Variants in GPC5 observed in about 807,000 individuals in gnomAD.
The protein encoded by GPC5 is glypican 5, also known as glypican-5.
GPC5 carries 47 observed loss-of-function variants against 53.9 expected under a neutral mutation model. The ratio of observed to expected loss-of-function variants is 0.87; its 90% CI spans 0.69 to 1.11. GPC5 has a LOEUF of 1.11. Among genes scored for constraint, GPC5 ranks in the 50% most tolerant of loss-of-function variants. The pLI is 0.00. For missense variants in GPC5, 748 were observed against 713.1 expected, an observed-to-expected ratio of 1.05 and a Z score of -0.56; for synonymous variants, 286 against 263.3, an observed-to-expected ratio of 1.09 and a Z score of -0.84.
intron 7 of GPC5, among the ~76,000 whole-genome samples, chr13:92,402,653 TTG>T (rs1875612708): frequency 1.3e-5 from 2 of 152,302 alleles, no homozygotes; most frequent in Non-Finnish European, 1.5e-5. Flanking sequence ...CACAATGTTT[TTG>T]TGTGTGTTTG....
At chr13:92,716,109 C>G (rs918361124) in intron 7 of GPC5, among the ~76,000 whole-genome samples, 1 of 152,074 alleles carries the variant, frequency 6.6e-6, no homozygotes, top group Admixed American at 6.6e-5. Context: ...GATCAGTGAA[C>G]GTGGCAAGAG....
intron 2 of GPC5, among the ~76,000 whole-genome samples, chr13:91,532,091 A>T (rs1886374206): frequency 6.6e-6 from 1 of 152,244 alleles, no homozygotes; most frequent in Non-Finnish European, 1.5e-5. Context: ...ATAACTCCTT[A>T]ATGGAAAAAA....
chr13:92,148,374 A>G (rs2041883464), intron 7 of GPC5, among the ~76,000 whole-genome samples: 2 of 152,204 alleles, frequency 1.3e-5, no homozygotes, highest in Middle Eastern at 3.4e-3. Context: ...ATATTTGCGT[A>G]CCTTTTAGGT....
At chr13:92,263,881 G>T (rs2042782863) in intron 7 of GPC5, among the ~76,000 whole-genome samples, 1 of 152,052 alleles carries the variant, frequency 6.6e-6, no homozygotes, top group Non-Finnish European at 1.5e-5. Context: ...TTCATTGGTG[G>T]GAGCAGTATT....
In GPC5 at chr13:92,173,583, G is replaced by T. The variant is rs2042085845; in HGVS notation, c.1561+28594G>T. On this transcript the variant is annotated intron_variant, in intron 7 of 7. Transcript: ENST00000377067. ...TTATTCAAATTTTGCTAATTTTTTAGGAGTTGGTTTAATAAAGTGTTCTTT... is the reference window on the plus strand; with the variant it reads ...TTATTCAAATTTTGCTAATTTTTTATGAGTTGGTTTAATAAAGTGTTCTTT... 2.6e-5 allele frequency among the ~76,000 whole-genome samples: 4 copies of T among 151,964 alleles called. 1 individual carries two copies. Among genetic ancestry groups the T allele is most frequent in the African/African-American group, 7.3e-5 (3 of 41,294 alleles).
chr13:92,222,973 T>C (rs1487796790), intron 7 of GPC5, among the ~76,000 whole-genome samples: 2 of 152,104 alleles, frequency 1.3e-5, no homozygotes, highest in Non-Finnish European at 2.9e-5. Flanking sequence ...TGTTTTAGGT[T>C]TATTGAAAAA....
chr13:91,682,252 A>G (rs1036966292), intron 2 of GPC5, among the ~76,000 whole-genome samples: 1 of 152,228 alleles, frequency 6.6e-6, no homozygotes, highest in Admixed American at 6.5e-5. Context: ...TACCCGTATC[A>G]TGGGTTGGAG....
Position 91,911,862 on chromosome 13 carries a change from A to C in GPC5, c.1401+3805A>C, listed in dbSNP as rs545377706. 2.0e-5 allele frequency among the ~76,000 whole-genome samples: 3 copies of C among 152,276 alleles called. No homozygotes were observed. In the South Asian group the frequency reaches 6.2e-4, roughly 32 times the overall value. ...GGGATGATAGTGTCACTAAGTGTTA[A>C]AAGGAATTCTAAGAGAAGAGTAGGT... On this transcript the variant is annotated intron_variant, in intron 6 of 7. Transcript: ENST00000377067.
In GPC5 at chr13:92,851,848, A is replaced by G. The variant is rs547615186; in HGVS notation, c.1562-14434A>G. Among the ~76,000 whole-genome samples, 24 of 148,014 alleles carry G rather than the reference A, an allele frequency of 1.6e-4. No homozygotes were observed. In the East Asian group the frequency reaches 2.9e-3, roughly 18 times the overall value. On this transcript the variant is annotated intron_variant, in intron 7 of 7. Transcript: ENST00000377067. ...GCTTGCAGTGAGCCAAGATGGCCCC[A>G]GTGCACTCCAGCCTGAGTGACAGAG...
rs559131039 is a variant in GPC5 at position 91,476,378 on chromosome 13, A to G, written c.325+27456A>G. Among the ~76,000 whole-genome samples the G allele has an allele frequency of 1.0e-3, 153 of 152,368 alleles. 1 individual carries two copies. Among genetic ancestry groups the G allele is most frequent in the African/African-American group, 3.5e-3 (144 of 41,592 alleles). ...GAGACTCAGAAAGGCTACTTCACCC[A>G]GTGTTACATTGAAGTAAATAACAAC... On this transcript the variant is annotated intron_variant, in intron 2 of 7. Transcript: ENST00000377067.
intron 5 of GPC5, among the ~76,000 whole-genome samples, chr13:91,807,704 T>A (rs2038243929): frequency 6.6e-6 from 1 of 152,144 alleles, no homozygotes; most frequent in South Asian, 2.1e-4. Flanking sequence ...ATAAAAGCAC[T>A]CTTGACAAAC....
At position 92,718,157 on chromosome 13, in the gene GPC5, C is replaced by T. The variant is rs149676553; in HGVS notation, c.1562-148125C>T. Among the ~76,000 whole-genome samples, 228 of 152,198 alleles carry T rather than the reference C, an allele frequency of 1.5e-3. 4 individuals carry two copies. The highest frequency in any genetic ancestry group is 5.3e-3 in the African/African-American group (219 of 41,534). On this transcript the variant is annotated intron_variant, in intron 7 of 7. Coordinates refer to ENST00000377067, the MANE Select transcript of GPC5 (RefSeq NM_004466.6). Reference sequence around the variant, plus strand: ...AACAGTATGGAAGTTTCTCATAAAACTAAAAATAGAACTATCATATGATCC... The same window carrying T: ...AACAGTATGGAAGTTTCTCATAAAATTAAAAATAGAACTATCATATGATCC...
At chr13:92,680,731 G>C (rs1361946996) in intron 7 of GPC5, among the ~76,000 whole-genome samples, 1 of 152,088 alleles carries the variant, frequency 6.6e-6, no homozygotes, top group Non-Finnish European at 1.5e-5. Flanking sequence ...TTACTCTTCA[G>C]GAAGTAACTA....
At chr13:92,297,907 G>A (rs1482952778) in intron 7 of GPC5, among the ~76,000 whole-genome samples, 2 of 151,996 alleles carry the variant, frequency 1.3e-5, no homozygotes, top group Non-Finnish European at 2.9e-5. Context: ...CTTCACTCCT[G>A]AGCCCAGCGA....
intron 7 of GPC5, among the ~76,000 whole-genome samples, chr13:92,163,373 A>G (rs2042004570): frequency 6.6e-6 from 1 of 151,368 alleles, no homozygotes; most frequent in Non-Finnish European, 1.5e-5. Context: ...ATGCAGGAGA[A>G]TAGCTTGAAC....
At position 92,268,691 on chromosome 13, in the gene GPC5, G is replaced by GCTACAA. The variant is rs576817427; in HGVS notation, c.1561+123702_1561+123703insCTACAA. ...ATGAAGCTACAAAATTATTCTGTAAGAATTTTTTATCTTATACTTACCTCA... is the reference window on the plus strand; with the variant it reads ...ATGAAGCTACAAAATTATTCTGTAAGCTACAAAATTTTTTATCTTATACTTACCTCA... On this transcript the variant is annotated intron_variant, in intron 7 of 7. Transcript: ENST00000377067. Among the ~76,000 whole-genome samples the GCTACAA allele has an allele frequency of 5.2e-3, 782 of 151,288 alleles. 7 individuals are homozygous for GCTACAA. Among genetic ancestry groups the GCTACAA allele is most frequent in the African/African-American group, 0.018 (750 of 41,142 alleles).
At chr13:92,372,060 C>T (rs1032224862) in intron 7 of GPC5, among the ~76,000 whole-genome samples, 1 of 152,088 alleles carries the variant, frequency 6.6e-6, no homozygotes, top group Non-Finnish European at 1.5e-5. Flanking sequence ...CTTCTGCCAA[C>T]AATCTGAATG....
At chr13:92,457,507 T>C (rs938567555) in intron 7 of GPC5, among the ~76,000 whole-genome samples, 4 of 152,096 alleles carry the variant, frequency 2.6e-5, no homozygotes, top group Non-Finnish European at 5.9e-5. Flanking sequence ...AAATCATTGC[T>C]CACATTATCA....
rs1566515126 is a variant in GPC5, at chr13:91,571,776, C to CACACATATACGTGTGTATGTGTATATAT, written c.326-121406_326-121405insTATACGTGTGTATGTGTATATATACACA. The stretch of plus-strand genomic sequence containing the variant: ...ACATATACATGTGTATGTGTATATA[C>CACACATATACGTGTGTATGTGTATATAT]ACACACATATACGTGTGTGTATATA... On this transcript the variant is annotated intron_variant, in intron 2 of 7. Coordinates refer to ENST00000377067, the MANE Select transcript of GPC5 (RefSeq NM_004466.6). Among the ~76,000 whole-genome samples, 24 of 82,130 alleles carry CACACATATACGTGTGTATGTGTATATAT rather than the reference C, an allele frequency of 2.9e-4. 1 individual carries two copies. The highest frequency in any genetic ancestry group is 1.9e-3 in the African/African-American group (22 of 11,630). The allele number at this position is 82,130 out of a possible 152,430, so 53.9% of individuals were successfully genotyped here. A position where few individuals can be genotyped will look rare whatever the true frequency, so the allele number is the denominator to read the frequency against.
Sources: gnomAD v4.1 joint callset for allele counts (sites outside exome capture counted in the v4.1 genomes callset) on GRCh38, gnomAD v4.1.1 for gene constraint, MANE v1.5 for transcripts, NCBI Gene and HGNC (gene_info 2026-07-23, HGNC 2026-07-21) for gene names.